Variants in FRMPD2 observed in about 807,000 individuals in gnomAD.
The protein encoded by FRMPD2 is FERM and PDZ domain-containing protein 2.
In FRMPD2, 96 loss-of-function variants were observed where a neutral mutation model predicts 140.1. The ratio of observed to expected loss-of-function variants is 0.69; its 90% CI spans 0.58 to 0.81. The LOEUF (loss-of-function observed/expected upper bound fraction) is 0.81, where lower values mean the gene tolerates loss of function less well. FRMPD2 is among the 40% of genes least tolerant of loss of function. FRMPD2 has a pLI of 0.00. For synonymous variants in FRMPD2, 449 were observed against 547.6 expected, an observed-to-expected ratio of 0.82 and a Z score of 2.52; for missense variants, 1,240 against 1,447.4, an observed-to-expected ratio of 0.86 and a Z score of 2.32.
intron 18 of FRMPD2, 61 bp from the exon 19 acceptor site, chr10:48,184,942 G>T: frequency 1.5e-6 from 2 of 1,315,566 alleles, no homozygotes; most frequent in East Asian, 2.4e-5. Context: ...TGTTCAGAGA[G>T]GTTAGGTTAT....
intron 1 of FRMPD2, among the ~76,000 whole-genome samples, chr10:48,271,792 A>G (rs756579769): frequency 5.9e-5 from 9 of 152,246 alleles, no homozygotes; most frequent in Non-Finnish European, 1.0e-4. Context: ...GGGAATGAGA[A>G]TAGAAAAGCA....
At chr10:48,189,226 C>G (rs1365129329) in intron 16 of FRMPD2, among the ~76,000 whole-genome samples, 1 of 152,192 alleles carries the variant, frequency 6.6e-6, no homozygotes, top group Non-Finnish European at 1.5e-5. Flanking sequence ...TGTTTCACAG[C>G]ACAGACAGGA....
intron 24 of FRMPD2, 34 bp downstream of exon 24, chr10:48,174,836 A>C (rs1320108749): frequency 3.2e-6 from 2 of 629,516 alleles, no homozygotes; most frequent in Non-Finnish European, 5.7e-6. Context: ...AAGTTCCGGA[A>C]GGAGGGGAAG....
rs1479414652 is a variant in FRMPD2, at chr10:48,184,580, ATAAT to A, written c.2566_2569del (p.Ile856PhefsTer30). The A allele has an allele frequency of 1.2e-6, 2 of 1,606,148 alleles. No homozygotes were observed. Among genetic ancestry groups the A allele is most frequent in the Non-Finnish European group, 8.5e-7 (1 of 1,172,912 alleles). The stretch of plus-strand genomic sequence containing the variant: ...TTAAAACATACCTTTTGACTGAGAA[ATAAT>A]TAATTCTATGTTGTCAGGGGAATTC... On this transcript the variant is annotated frameshift_variant, in exon 20 of 29. Coordinates refer to ENST00000374201, the MANE Select transcript of FRMPD2 (RefSeq NM_001018071.4). LOFTEE classifies it high-confidence loss of function.
In FRMPD2 at chr10:48,224,718, G is replaced by A. The variant is rs139344739; in HGVS notation, c.1169-1448C>T. Among the ~76,000 whole-genome samples the A allele has an allele frequency of 2.3e-3, 346 of 152,336 alleles. 1 individual carries two copies. Among genetic ancestry groups the A allele is most frequent in the African/African-American group, 8.1e-3 (335 of 41,582 alleles). ...CCAAGATGACCCTAGCTAGGCAGGT[G>A]TAAAATTGTCCATGTGGGAGGGGCT... On this transcript the variant is annotated intron_variant, in intron 10 of 28. Transcript: ENST00000374201.
At chr10:48,240,209 C>T in intron 6 of FRMPD2, 151 bp downstream of exon 6, 5 of 789,650 alleles carry the variant, frequency 6.3e-6, no homozygotes, top group African/African-American at 3.5e-5. Context: ...GTCCTAAGCT[C>T]AGCCCCTTCT....
At chr10:48,216,687 CCAT>C (rs928769127) in intron 12 of FRMPD2, among the ~76,000 whole-genome samples, 94 of 152,302 alleles carry the variant, frequency 6.2e-4, no homozygotes, top group African/African-American at 2.2e-3. Flanking sequence ...ACATGAATTG[CCAT>C]CTTTCACCCT....
Position 48,240,474 on chromosome 10 carries a change from C to T in FRMPD2, c.586G>A (p.Glu196Lys), listed in dbSNP as rs968129117. Residue 196 changes from glutamate to lysine, a missense_variant, in exon 6 of 29, where the codon GAG becomes AAG. Coordinates refer to ENST00000374201, the MANE Select transcript of FRMPD2 (RefSeq NM_001018071.4). ...TTCTGCTGCACAGAGGAGCTTTCCT[C>T]CACAACTCTTTTCTCCACCTGGGGG... ...TISEVEKRVV[E>K]ESSSVQQNRS... The T allele has an allele frequency of 6.2e-7, 1 of 1,613,724 alleles. No individual in the cohort carries two copies. The highest frequency in any genetic ancestry group is 8.5e-7 in the Non-Finnish European group (1 of 1,180,036).
chr10:48,266,028 T>C (rs1304373086), intron 1 of FRMPD2, among the ~76,000 whole-genome samples: 2 of 152,202 alleles, frequency 1.3e-5, no homozygotes, highest in Non-Finnish European at 2.9e-5. Flanking sequence ...TGGAATATTA[T>C]GCAGCCACAA....
chr10:48,266,343 T>C (rs906671838), intron 1 of FRMPD2, among the ~76,000 whole-genome samples: 1 of 152,098 alleles, frequency 6.6e-6, no homozygotes, highest in African/African-American at 2.4e-5. Context: ...ATAACAAGCC[T>C]GCACATGTAC....
intron 3 of FRMPD2, among the ~76,000 whole-genome samples, chr10:48,248,145 T>C (rs1212927082): frequency 6.6e-6 from 1 of 152,184 alleles, no homozygotes; most frequent in Non-Finnish European, 1.5e-5. Flanking sequence ...CATCTGCACT[T>C]TTCTCATGAA....
chr10:48,212,968 T>G (rs1246603382), intron 12 of FRMPD2, among the ~76,000 whole-genome samples: 1 of 152,214 alleles, frequency 6.6e-6, no homozygotes, highest in Non-Finnish European at 1.5e-5. Context: ...CAACATGTCC[T>G]GGTCTCAGGA....
chr10:48,242,334 G>A lies in FRMPD2; in HGVS notation c.394C>T (p.Pro132Ser), dbSNP rs1240763991. The A allele has an allele frequency of 1.9e-6, 3 of 1,613,500 alleles. No homozygotes were observed. The highest frequency in any genetic ancestry group is 2.5e-6 in the Non-Finnish European group (3 of 1,179,578). ...ATGGTCAGCAGGATGGAGTGCAGGG[G>A]CTCGCAGAGCTGCAGGGGCTGGAGG... The part of the protein sequence containing the change: ...PPHQPLQLCE[P>S]LHSILLTMCE... The change falls in exon 5 of 29, where the codon CCC becomes TCC. Residue 132 changes from proline (P) to serine (S), a missense_variant. By Grantham distance (74) the Pro-to-Ser change is moderately conservative. Around this residue, in one of 6 missense-constraint regions of FRMPD2, gnomAD observed 1,161 missense variants for 1,055.9 expected, o/e 1.10. Coordinates refer to ENST00000374201, the MANE Select transcript of FRMPD2 (RefSeq NM_001018071.4).
rs992392066 is a variant in FRMPD2, at chr10:48,207,022, G to C, written c.1612-89C>G. Reference sequence around the variant, plus strand: ...CCATTCACTCCATGCAAAACACACTGATAGGCGTTCTGAAAAGAAAGAGTA... The same window carrying C: ...CCATTCACTCCATGCAAAACACACTCATAGGCGTTCTGAAAAGAAAGAGTA... On this transcript the variant is annotated intron_variant, in intron 13 of 28. Transcript: ENST00000374201. The C allele has an allele frequency of 3.9e-5, 43 of 1,115,548 alleles. 1 individual carries two copies. In the African/African-American group the frequency reaches 6.4e-4, roughly 17 times the overall value. 69.1% of individuals were successfully genotyped at this position (1,115,548 alleles called of 1,614,324 possible).
chr10:48,247,863 A>G (rs1000317810), intron 3 of FRMPD2, among the ~76,000 whole-genome samples: 8 of 152,178 alleles, frequency 5.3e-5, no homozygotes, highest in African/African-American at 1.9e-4. Flanking sequence ...TCCAGGAATC[A>G]GTGATTCACC....
intron 9 of FRMPD2, among the ~76,000 whole-genome samples, chr10:48,233,549 G>A (rs1839901874): frequency 6.6e-6 from 1 of 152,186 alleles, no homozygotes; most frequent in South Asian, 2.1e-4. Flanking sequence ...CCTCAGTGAT[G>A]AATCGTATGC....
chr10:48,236,484 C>A lies in FRMPD2; in HGVS notation c.991G>T (p.Val331Leu), dbSNP rs779604684. The change falls in exon 9 of 29, where the codon GTG becomes TTG. Residue 331 changes from valine (V) to leucine (L), a missense_variant and splice_region_variant. By Grantham distance (32) the Val-to-Leu change is conservative. Transcript: ENST00000374201. The stretch of plus-strand genomic sequence containing the variant: ...GCCCAGTCTAGCCCAGTAGTTACCA[C>A]AACCGATCCCGGCAGATGTAGTGTC... ...PMTLHLPGSVVTKKGKSYLAL... is the reference protein window; with the variant it reads ...PMTLHLPGSVLTKKGKSYLAL... 10 of 1,614,182 alleles carry A rather than the reference C, an allele frequency of 6.2e-6. No individual in the cohort carries two copies. Among genetic ancestry groups the A allele is most frequent in the Non-Finnish European group, 8.5e-6 (10 of 1,179,994 alleles).
chr10:48,242,140 A>G, intron 5 of FRMPD2, 21 bp downstream of exon 5: 1 of 1,534,740 alleles, frequency 6.5e-7, no homozygotes, highest in Non-Finnish European at 8.8e-7. Context: ...TACTGCTTGA[A>G]AAGCACGGTT....
rs138766410 is a variant in FRMPD2 at position 48,206,786 on chromosome 10, G to A, written c.1759C>T (p.Arg587Trp). Residue 587 changes from arginine to tryptophan, a missense_variant, in exon 14 of 29, where the codon CGG becomes TGG. By Grantham distance (101) the Arg-to-Trp change is moderately radical. Coordinates refer to ENST00000374201, the MANE Select transcript of FRMPD2 (RefSeq NM_001018071.4). ...TTCCCGGTTTCTCTCCACTGAAACC[G>A]TAACATTGCAATTCTGCTGTTGTTT... Reference protein sequence around the residue: ...VKNNSRIAMLRFQWRETGKIS... With the variant: ...VKNNSRIAMLWFQWRETGKIS... 2,670 of 1,613,978 alleles carry A rather than the reference G, an allele frequency of 1.7e-3. 7 individuals are homozygous for A. The highest frequency in any genetic ancestry group is 2.6e-3 in the Middle Eastern group (16 of 6,060).
Sources: allele counts gnomAD v4.1 joint callset (sites outside exome capture counted in the v4.1 genomes callset), GRCh38; gene constraint gnomAD v4.1.1; regional missense constraint gnomAD v4.1.1; transcripts MANE v1.5; gene names NCBI Gene and HGNC (gene_info 2026-07-23, HGNC 2026-07-21).